The following SLC12A6 variants were observed in gnomAD, a reference collection of about 807,000 sequenced individuals.
SLC12A6 encodes the protein K-Cl cotransporter 3.
Under a neutral mutation model 135.3 loss-of-function variants are expected in SLC12A6, and 66 were observed. The ratio of observed to expected loss-of-function variants is 0.49; its 90% CI spans 0.40 to 0.60. SLC12A6 has a LOEUF of 0.60. Among genes scored for constraint, SLC12A6 ranks in the 20% least tolerant of loss-of-function variants. The pLI, the probability that SLC12A6 is intolerant of heterozygous loss-of-function variation, is 0.00. For synonymous variants in SLC12A6, 513 were observed against 508.8 expected, an observed-to-expected ratio of 1.01 and a Z score of -0.11; for missense variants, 1,058 against 1,452.3, an observed-to-expected ratio of 0.73 and a Z score of 4.41.
At chr15:34,305,764 T>C (rs1896566035) in intron 2 of SLC12A6, among the ~76,000 whole-genome samples, 1 of 151,842 alleles carries the variant, frequency 6.6e-6, no homozygotes, top group African/African-American at 2.4e-5. Flanking sequence ...CCAGCATTTT[T>C]TTTTTTTTTT....
chr15:34,291,099 T>C (rs879384460), intron 2 of SLC12A6, among the ~76,000 whole-genome samples: 3 of 152,244 alleles, frequency 2.0e-5, no homozygotes, highest in Non-Finnish European at 2.9e-5. Context: ...CAATTTGGTA[T>C]GTTGTTGCAG....
rs533759939 is a variant in SLC12A6, at chr15:34,257,605, C to T, written c.690+37G>A. On this transcript the variant is annotated intron_variant, in intron 6 of 25. Coordinates refer to ENST00000354181, the MANE Select transcript of SLC12A6 (RefSeq NM_001365088.1). ...TGCATCTGCTCTTGAGAACTTGCAA[C>T]GTTCAGGTGATCTCTAGGAGCCAGT... 44 of 1,585,840 alleles carry T rather than the reference C, an allele frequency of 2.8e-5. No homozygotes were observed. In the South Asian group the frequency reaches 4.0e-4, roughly 14 times the overall value.
chr15:34,254,448 C>A lies in SLC12A6; in HGVS notation c.1018G>T (p.Val340Leu). The change falls in exon 9 of 26, where the codon GTG (valine) becomes TTG (leucine). Residue 340 changes from valine to leucine, a missense_variant. Physicochemically the swap from Val to Leu is conservative, Grantham distance 32 (BLOSUM62 1). This residue lies in a region of SLC12A6 where 297 missense variants were observed against 318.5 expected (regional missense o/e 0.93). Transcript: ENST00000354181. The part of the protein sequence containing the change: ...VLVVFIGVRY[V>L]NKFASLFLAC... ...AGGAAAAGTGAGGCAAACTTGTTCA[C>A]ATAGCGTACGCCGATAAATACCACT... 2 of 1,613,972 alleles carry A rather than the reference C, an allele frequency of 1.2e-6. No individual in the cohort carries two copies. Among genetic ancestry groups the A allele is most frequent in the African/African-American group, 2.7e-5 (2 of 75,038 alleles).
chr15:34,248,560 ACCCC>A (rs1555379195), intron 13 of SLC12A6, among the ~76,000 whole-genome samples: 1 of 84,940 alleles, frequency 1.2e-5, no homozygotes, highest in Admixed American at 1.3e-4. Context: ...ACATATATAC[ACCCC>A]CACCCACACA....
chr15:34,246,825 A>C (rs1297834194), intron 13 of SLC12A6, among the ~76,000 whole-genome samples: 1 of 152,080 alleles, frequency 6.6e-6, no homozygotes, highest in African/African-American at 2.4e-5. Flanking sequence ...CTTTTACAAA[A>C]GTTTCTGTAG....
chr15:34,284,012 T>TC, intron 2 of SLC12A6, among the ~76,000 whole-genome samples: 1 of 152,138 alleles, frequency 6.6e-6, no homozygotes, highest in East Asian at 1.9e-4. Flanking sequence ...TGCCTCAGCC[T>TC]CCGAGGATTA....
At chr15:34,238,131 TA>T in intron 21 of SLC12A6, 100 bp downstream of exon 21, 1 of 871,680 alleles carries the variant, frequency 1.1e-6, no homozygotes, top group Non-Finnish European at 1.9e-6. Flanking sequence ...CTTCTGATTC[TA>T]AACCCCAACA....
chr15:34,327,491 C>T (rs1389111513), intron 2 of SLC12A6, among the ~76,000 whole-genome samples: 1 of 152,032 alleles, frequency 6.6e-6, no homozygotes. Context: ...AACCCCGTCT[C>T]TACTAAAAAT....
At chr15:34,323,768 T>C (rs1309637242) in intron 2 of SLC12A6, among the ~76,000 whole-genome samples, 1 of 152,076 alleles carries the variant, frequency 6.6e-6, no homozygotes, top group Non-Finnish European at 1.5e-5. Flanking sequence ...CTGGGCAACA[T>C]GGCGAAACCC....
intron 2 of SLC12A6, among the ~76,000 whole-genome samples, chr15:34,311,019 T>G (rs960517383): frequency 6.6e-6 from 1 of 152,322 alleles, no homozygotes; most frequent in African/African-American, 2.4e-5. Flanking sequence ...CCTCATTTAA[T>G]AGAAATTTGT....
At chr15:34,237,714 T>C (rs988841850) in intron 21 of SLC12A6, among the ~76,000 whole-genome samples, 164 bp from the exon 22 acceptor site, 2 of 152,210 alleles carry the variant, frequency 1.3e-5, no homozygotes, top group African/African-American at 2.4e-5. Context: ...GGGCAAAAGA[T>C]TGACTAAACA....
At chr15:34,252,476 C>A in intron 9 of SLC12A6, 92 bp from the exon 10 acceptor site, 1 of 752,370 alleles carries the variant, frequency 1.3e-6, no homozygotes, top group Non-Finnish European at 2.4e-6. Context: ...ACAAGAACCC[C>A]ATCTTTAAGA....
intron 3 of SLC12A6, among the ~76,000 whole-genome samples, chr15:34,263,917 G>A (rs1308704695): frequency 2.6e-5 from 4 of 151,326 alleles, no homozygotes; most frequent in African/African-American, 9.7e-5. Context: ...GCAAATTTAT[G>A]AAATACTCAA....
intron 2 of SLC12A6, among the ~76,000 whole-genome samples, chr15:34,276,602 G>A (rs190603261): frequency 1.3e-5 from 2 of 152,246 alleles, no homozygotes; most frequent in Admixed American, 1.3e-4. Context: ...TGTGCCTGGG[G>A]TAATAAAAAT....
chr15:34,333,521 G>A (rs1035767103), intron 2 of SLC12A6, among the ~76,000 whole-genome samples: 1 of 151,844 alleles, frequency 6.6e-6, no homozygotes, highest in African/African-American at 2.4e-5. Flanking sequence ...GTGAGCCACC[G>A]TGCCTGGCTC....
chr15:34,261,166 G>A (rs1039375011), intron 3 of SLC12A6, 146 bp from the exon 4 acceptor site: 2 of 642,340 alleles, frequency 3.1e-6, no homozygotes, highest in African/African-American at 1.8e-5. Context: ...AGCACTGCTT[G>A]GAGAATATGG....
chr15:34,293,815 G>A (rs1270510917), intron 2 of SLC12A6, among the ~76,000 whole-genome samples: 1 of 152,172 alleles, frequency 6.6e-6, no homozygotes, highest in Non-Finnish European at 1.5e-5. Flanking sequence ...TGTTGCCCAG[G>A]CTGGCCACAA....
intron 7 of SLC12A6, 80 bp downstream of exon 7, chr15:34,256,147 CAG>C: frequency 1.1e-6 from 1 of 870,658 alleles, no homozygotes; most frequent in Non-Finnish European, 2.0e-6. Flanking sequence ...TTCTATTCTT[CAG>C]AAGTTTGCAC....
chr15:34,299,016 C>T (rs1020132139), intron 2 of SLC12A6, among the ~76,000 whole-genome samples: 2 of 152,130 alleles, frequency 1.3e-5, no homozygotes, highest in African/African-American at 4.8e-5. Flanking sequence ...TGCCAGGAGA[C>T]CCCAAACATT....
Sources: gnomAD v4.1 joint callset for allele counts (sites outside exome capture counted in the v4.1 genomes callset) on GRCh38, gnomAD v4.1.1 for gene constraint, gnomAD v4.1.1 regional missense constraint, MANE v1.5 for transcripts, NCBI Gene and HGNC (gene_info 2026-07-23, HGNC 2026-07-21) for gene names.